The following PRIM2 variants were observed in gnomAD, a reference collection of about 807,000 sequenced individuals.
The protein encoded by PRIM2 is DNA primase subunit 2.
A neutral mutation model predicts 67.3 loss-of-function variants in PRIM2; 39 were observed. The observed-to-expected ratio is 0.58, with a 90% confidence interval of 0.45 to 0.76. The LOEUF (loss-of-function observed/expected upper bound fraction) is 0.76, where lower values mean the gene tolerates loss of function less well. Among genes scored for constraint, PRIM2 ranks in the 30% least tolerant of loss-of-function variants. The pLI is 0.00. For missense variants in PRIM2, 398 were observed against 598.7 expected, an observed-to-expected ratio of 0.66 and a Z score of 3.50; for synonymous variants, 143 against 198.7, an observed-to-expected ratio of 0.72 and a Z score of 2.36.
chr6:57,469,259 A>T (rs1773280349), intron 7 of PRIM2, among the ~76,000 whole-genome samples: 2 of 152,246 alleles, frequency 1.3e-5, no homozygotes, highest in African/African-American at 4.8e-5. Flanking sequence ...CTCCTGGCAG[A>T]TTAGCTTTCA....
intron 7 of PRIM2, among the ~76,000 whole-genome samples, chr6:57,464,786 ATT>A (rs572507972): frequency 6.6e-6 from 1 of 151,958 alleles, no homozygotes; most frequent in South Asian, 2.1e-4. Flanking sequence ...CATCATCATC[ATT>A]GTTTCCAAAA....
At chr6:57,397,998 G>GCAAGA in intron 7 of PRIM2, among the ~76,000 whole-genome samples, 1 of 144,596 alleles carries the variant, frequency 6.9e-6, no homozygotes, top group Non-Finnish European at 1.5e-5. Flanking sequence ...TCTTGCTCTT[G>GCAAGA]TTCCAGGCTG....
chr6:57,606,403 G>A lies in PRIM2; in HGVS notation c.1176G>A (p.Glu392=). 1.3e-6 allele frequency: 2 copies of A among 1,598,798 alleles called. No homozygotes were observed. The highest frequency in any genetic ancestry group is 1.1e-5 in the South Asian group (1 of 87,994). Residue 392 remains glutamate, a synonymous_variant, in exon 12 of 14, where the codon GAG becomes GAA. Coordinates refer to ENST00000615550, the MANE Select transcript of PRIM2 (RefSeq NM_000947.5). ...HGCPFRHSDP[E]LLKQKLQSYK... The stretch of plus-strand genomic sequence containing the variant: ...GCCCATTCCGTCACAGTGATCCAGA[G>A]CTGCTGAAGCAAAAGTTGCAGTCAT...
the PRIM2 span, among the ~76,000 whole-genome samples, chr6:57,253,301 G>A: frequency 2.0e-5 from 3 of 152,184 alleles, no homozygotes; most frequent in Non-Finnish European, 4.4e-5. Flanking sequence ...TGATCTCAGA[G>A]GCAGTTTTGG....
At chr6:57,403,136 A>G (rs1581868093) in intron 7 of PRIM2, among the ~76,000 whole-genome samples, 1 of 152,158 alleles carries the variant, frequency 6.6e-6, no homozygotes, top group Non-Finnish European at 1.5e-5. Flanking sequence ...TAGGTTTTTG[A>G]TAGAACTGGT....
intron 10 of PRIM2, among the ~76,000 whole-genome samples, chr6:57,539,650 GTGTGTGTATA>G (rs1478367111): frequency 2.3e-3 from 235 of 104,310 alleles, no homozygotes; most frequent in African/African-American, 7.4e-3. Context: ...GTGTGTGTGT[GTGTGTGTATA>G]TATATATATA....
At chr6:57,316,175 A>G (rs1767477422), upstream of PRIM2, among the ~76,000 whole-genome samples, 1 of 152,188 alleles carries the variant, frequency 6.6e-6, no homozygotes, top group Non-Finnish European at 1.5e-5. Context: ...CGTTTAATAT[A>G]ATAACCTTTG....
At chr6:57,259,470 C>G in the PRIM2 span, among the ~76,000 whole-genome samples, 5 of 152,146 alleles carry the variant, frequency 3.3e-5, no homozygotes, top group Non-Finnish European at 5.9e-5. Context: ...AGGCAAGTTA[C>G]AAGGCTGAGA....
intron 10 of PRIM2, among the ~76,000 whole-genome samples, chr6:57,573,984 G>C (rs1479037867): frequency 3.3e-5 from 5 of 151,574 alleles, no homozygotes. Flanking sequence ...GTAGTAGTGA[G>C]GCAAAAGAAT....
chr6:57,561,796 C>T (rs1229986326), intron 10 of PRIM2, among the ~76,000 whole-genome samples: 9 of 152,154 alleles, frequency 5.9e-5, no homozygotes, highest in African/African-American at 7.2e-5. Flanking sequence ...CTGTTTGGCA[C>T]GAGAAGCTTA....
chr6:57,290,252 CAAAG>C, the PRIM2 span, among the ~76,000 whole-genome samples: 1 of 151,806 alleles, frequency 6.6e-6, no homozygotes, highest in Non-Finnish European at 1.5e-5. Context: ...TCAAAAGAGA[CAAAG>C]AAGGCCATTA....
intron 5 of PRIM2, among the ~76,000 whole-genome samples, chr6:57,361,078 G>A (rs941197277): frequency 6.6e-6 from 1 of 152,092 alleles, no homozygotes; most frequent in African/African-American, 2.4e-5. Flanking sequence ...AAGAATGATG[G>A]CTGACACTGA....
chr6:57,227,154 C>T, the PRIM2 span, among the ~76,000 whole-genome samples: 29 of 151,986 alleles, frequency 1.9e-4, no homozygotes, highest in Non-Finnish European at 3.4e-4. Flanking sequence ...TGAGAGACCT[C>T]CTCTCTAATG....
At chr6:57,612,680 T>C (rs1226078426) in intron 12 of PRIM2, among the ~76,000 whole-genome samples, 1 of 152,166 alleles carries the variant, frequency 6.6e-6, no homozygotes, top group Non-Finnish European at 1.5e-5. Flanking sequence ...AGGAAATATA[T>C]TTTATTTAAA....
At chr6:57,535,334 G>A (rs1279513936) in intron 9 of PRIM2, among the ~76,000 whole-genome samples, 5 of 152,164 alleles carry the variant, frequency 3.3e-5, no homozygotes, top group Non-Finnish European at 5.9e-5. Flanking sequence ...TCATTTTGGT[G>A]TAGTAATAAT....
intron 7 of PRIM2, among the ~76,000 whole-genome samples, chr6:57,471,676 G>C (rs1267248069): frequency 3.9e-5 from 6 of 152,160 alleles, no homozygotes; most frequent in Non-Finnish European, 8.8e-5. Flanking sequence ...ACAGTTCCTG[G>C]AGGTGAATGG....
chr6:57,361,731 T>G (rs1321762413), intron 5 of PRIM2, among the ~76,000 whole-genome samples: 4 of 152,002 alleles, frequency 2.6e-5, no homozygotes, highest in Non-Finnish European at 4.4e-5. Flanking sequence ...TTATAGCTAA[T>G]ATTTAATAAA....
At chr6:57,537,059 A>G (rs1694288405) in intron 9 of PRIM2, among the ~76,000 whole-genome samples, 1 of 152,216 alleles carries the variant, frequency 6.6e-6, no homozygotes, top group African/African-American at 2.4e-5. Flanking sequence ...AATCTACTGT[A>G]GTTGTATATG....
intron 8 of PRIM2, among the ~76,000 whole-genome samples, chr6:57,526,419 T>G (rs1295364058): frequency 7.2e-5 from 11 of 152,230 alleles, no homozygotes; most frequent in African/African-American, 2.7e-4. Context: ...TTGCCTTGTC[T>G]TTTTCCTTTT....
Sources: allele counts gnomAD v4.1 joint callset (sites outside exome capture counted in the v4.1 genomes callset), GRCh38; gene constraint gnomAD v4.1.1; transcripts MANE v1.5; gene names NCBI Gene and HGNC (gene_info 2026-07-23, HGNC 2026-07-21).